Variants in RXFP1 observed in about 807,000 individuals in gnomAD.
The protein encoded by RXFP1 is relaxin family peptide receptor 1.
A neutral mutation model predicts 89.8 loss-of-function variants in RXFP1; 73 were observed. The observed-to-expected ratio is 0.81, with a 90% CI of 0.67 to 0.99. The LOEUF (loss-of-function observed/expected upper bound fraction) is 0.99, where lower values mean the gene tolerates loss of function less well. RXFP1 is among the 50% of genes least tolerant of loss of function. The probability of loss-of-function intolerance (pLI) is 0.00; values close to 1 mark genes in which losing one functional copy is unlikely to be tolerated. For missense variants in RXFP1, 793 were observed against 895.5 expected, an observed-to-expected ratio of 0.89 and a Z score of 1.46; for synonymous variants, 277 against 305.5, an observed-to-expected ratio of 0.91 and a Z score of 0.97.
Position 158,593,879 on chromosome 4 carries a change from G to A in RXFP1, c.286+380G>A, listed in dbSNP as rs1760025477. Among the ~76,000 whole-genome samples, 4 of 152,140 alleles carry A rather than the reference G, an allele frequency of 2.6e-5. No homozygotes were observed. The South Asian group carries it at 8.3e-4, about 31-fold the overall frequency. ...GTAGAGAGGGCAGAAAAGCTGTTTG[G>A]ATTTTAATGTTTGCTAGAAAAAATT... On this transcript the variant is annotated intron_variant, in intron 3 of 17. Coordinates refer to ENST00000307765, the MANE Select transcript of RXFP1 (RefSeq NM_021634.4).
At chr4:158,541,617 A>T (rs183255827) in intron 1 of RXFP1, among the ~76,000 whole-genome samples, 1 of 152,212 alleles carries the variant, frequency 6.6e-6, no homozygotes, top group African/African-American at 2.4e-5. Flanking sequence ...ATACCCATAC[A>T]CCTTTCACCT....
At chr4:158,626,112 A>G (rs755954834) in intron 9 of RXFP1, among the ~76,000 whole-genome samples, 2 of 14,486 alleles carry the variant, frequency 1.4e-4, no homozygotes, top group Non-Finnish European at 4.5e-4. Context: ...AGATATCTAT[A>G]TAGATAGATA....
At chr4:158,535,157 G>A (rs940113371) in intron 1 of RXFP1, among the ~76,000 whole-genome samples, 5 of 151,968 alleles carry the variant, frequency 3.3e-5, no homozygotes, top group East Asian at 1.9e-4. Flanking sequence ...TACAGCATGC[G>A]CAAGGTCATG....
rs1313299844 is a variant in RXFP1 at position 158,647,218 on chromosome 4, C to T, written c.1756+17C>T. 6.5e-7 allele frequency: 1 copy of T among 1,532,984 alleles called. No homozygotes were observed. The highest frequency in any genetic ancestry group is 8.8e-7 in the Non-Finnish European group (1 of 1,141,558). 95.0% of individuals were successfully genotyped at this position (1,532,984 alleles called of 1,614,324 possible). ...TTTTTCTTGGTAAGAAACTAAGAAA[C>T]TAATGTTCACAAATTTTTATTTCAA... On this transcript the variant is annotated intron_variant, in intron 16 of 17. Transcript: ENST00000307765.
rs1041390814 is a variant in RXFP1, at chr4:158,605,974, A to G, written c.464+835A>G. Among the ~76,000 whole-genome samples the G allele has an allele frequency of 2.0e-5, 3 of 152,204 alleles. No individual in the cohort carries two copies. The East Asian group carries it at 5.8e-4, about 29-fold the overall frequency. ...TTGAGTGGAATCAGAAGAAGAATTAACCCACTTCCTTCAGTGAAATGTTCT... is the reference window on the plus strand; with the variant it reads ...TTGAGTGGAATCAGAAGAAGAATTAGCCCACTTCCTTCAGTGAAATGTTCT... On this transcript the variant is annotated intron_variant, in intron 5 of 17. Coordinates refer to ENST00000307765, the MANE Select transcript of RXFP1 (RefSeq NM_021634.4).
intron 2 of RXFP1, among the ~76,000 whole-genome samples, chr4:158,590,460 G>A (rs1561078158): frequency 1.3e-5 from 2 of 152,122 alleles, no homozygotes; most frequent in Admixed American, 6.5e-5. Context: ...GTGCCCAGCT[G>A]TTTCCTTTCT....
rs149845150 is a variant in RXFP1 at position 158,650,432 on chromosome 4, A to AATATATATATATATAT, written c.1976-1321_1976-1306dup. On this transcript the variant is annotated intron_variant, in intron 17 of 17. Coordinates refer to ENST00000307765, the MANE Select transcript of RXFP1 (RefSeq NM_021634.4). ...GCATATATCCTGTTAAATATATATA[A>AATATATATATATATAT]ATATATATATATATATATAATGCAG... 2.8e-3 allele frequency among the ~76,000 whole-genome samples: 412 copies of AATATATATATATATAT among 145,442 alleles called. 3 individuals carry two copies. Among genetic ancestry groups the AATATATATATATATAT allele is most frequent in the African/African-American group, 9.5e-3 (374 of 39,512 alleles).
At position 158,585,714 on chromosome 4, in the gene RXFP1, G is replaced by T. The variant is rs567195528; in HGVS notation, c.188-7687G>T. ...TAAAAGTACCTTAGTAGTCACTGAG[G>T]TATACAAAAATACATAGGTAAAAAA... On this transcript the variant is annotated intron_variant, in intron 2 of 17. Transcript: ENST00000307765. 2.0e-5 allele frequency among the ~76,000 whole-genome samples: 3 copies of T among 152,126 alleles called. No individual in the cohort carries two copies. The South Asian group carries it at 6.2e-4, about 32-fold the overall frequency.
intron 11 of RXFP1, 50 bp from the exon 12 acceptor site, chr4:158,633,355 G>T (rs756802738): frequency 7.6e-6 from 9 of 1,183,004 alleles, no homozygotes; most frequent in Non-Finnish European, 1.0e-5. Flanking sequence ...TCAGAACAAT[G>T]AGTAAAGTCT....
At chr4:158,630,338 A>G (rs1052711472) in intron 11 of RXFP1, among the ~76,000 whole-genome samples, 7 of 152,210 alleles carry the variant, frequency 4.6e-5, no homozygotes, top group African/African-American at 1.7e-4. Flanking sequence ...TGATAATTGA[A>G]CCATATCATC....
chr4:158,585,088 C>G (rs1229434223), intron 2 of RXFP1, among the ~76,000 whole-genome samples: 3 of 152,214 alleles, frequency 2.0e-5, no homozygotes, highest in African/African-American at 7.2e-5. Context: ...CCCAGATATA[C>G]ACTTTTGAAA....
At chr4:158,548,287 G>C (rs4386553) in intron 1 of RXFP1, among the ~76,000 whole-genome samples, 5,769 of 151,826 alleles carry the variant, frequency 0.038, 326 homozygotes, top group African/African-American at 0.13. Flanking sequence ...GCCTTTTTTT[G>C]GTTTCCATTT....
intron 14 of RXFP1, among the ~76,000 whole-genome samples, chr4:158,639,955 A>G (rs1402371991): frequency 6.6e-6 from 1 of 152,108 alleles, no homozygotes; most frequent in African/African-American, 2.4e-5. Flanking sequence ...TCTATGAAAC[A>G]TGTGGTCCCC....
At chr4:158,598,485 C>T (rs1171814535) in intron 3 of RXFP1, among the ~76,000 whole-genome samples, 1 of 152,130 alleles carries the variant, frequency 6.6e-6, no homozygotes, top group East Asian at 1.9e-4. Context: ...TTTCTCATTG[C>T]TCTCAGGAAT....
At chr4:158,626,729 A>T (rs1766922920) in intron 9 of RXFP1, 91 bp from the exon 10 acceptor site, 1 of 754,560 alleles carries the variant, frequency 1.3e-6, no homozygotes, top group African/African-American at 1.8e-5. Context: ...ATGTAAAGAA[A>T]AGATATTTTA....
chr4:158,630,471 C>T (rs1767822670), intron 11 of RXFP1, among the ~76,000 whole-genome samples: 1 of 152,148 alleles, frequency 6.6e-6, no homozygotes, highest in Non-Finnish European at 1.5e-5. Context: ...CTTGTTTCAT[C>T]CACTTGAAAT....
At chr4:158,648,751 TA>T (rs994037470) in intron 17 of RXFP1, 34 bp downstream of exon 17, 1 of 1,273,658 alleles carries the variant, frequency 7.9e-7, no homozygotes, top group Non-Finnish European at 1.1e-6. Flanking sequence ...AAAGAAATAA[TA>T]AATCTGTTTT....
rs369006235 is a variant in RXFP1 at position 158,581,010 on chromosome 4, G to A, written c.187+8175G>A. 1.6e-4 allele frequency among the ~76,000 whole-genome samples: 24 copies of A among 152,088 alleles called. 1 individual carries two copies. The highest frequency in any genetic ancestry group is 7.9e-4 in the Admixed American group (12 of 15,274). On this transcript the variant is annotated intron_variant, in intron 2 of 17. Coordinates refer to ENST00000307765, the MANE Select transcript of RXFP1 (RefSeq NM_021634.4). ...TCACCATGTGGTCCAGGCTGCTCTCGAACTCCTGACCTCAAGTGATCTACC... is the reference window on the plus strand; with the variant it reads ...TCACCATGTGGTCCAGGCTGCTCTCAAACTCCTGACCTCAAGTGATCTACC...
chr4:158,536,241 A>G (rs566824888), intron 1 of RXFP1, among the ~76,000 whole-genome samples: 3 of 152,324 alleles, frequency 2.0e-5, no homozygotes, highest in African/African-American at 7.2e-5. Flanking sequence ...ACCGAGGCCT[A>G]ATACCTGTAA....
Sources: allele counts gnomAD v4.1 joint callset (sites outside exome capture counted in the v4.1 genomes callset), GRCh38; gene constraint gnomAD v4.1.1; transcripts MANE v1.5; gene names NCBI Gene and HGNC (gene_info 2026-07-23, HGNC 2026-07-21).